The following TMEM212 variants were observed in gnomAD, a reference collection of about 807,000 sequenced individuals.
TMEM212 encodes transmembrane protein 212.
A neutral mutation model predicts 20.5 loss-of-function variants in TMEM212; 23 were observed. That is an observed-to-expected ratio of 1.12 (90% CI 0.81 to 1.59). The LOEUF (loss-of-function observed/expected upper bound fraction) is 1.59. Ranked by LOEUF, TMEM212 falls within the 40% of genes most tolerant of loss-of-function variation. The probability of loss-of-function intolerance (pLI) is 0.00; values close to 1 mark genes in which losing one functional copy is unlikely to be tolerated. For synonymous variants in TMEM212, 76 were observed against 81.6 expected (o/e 0.93, Z 0.37); for missense variants, 211 against 215.0 (o/e 0.98, Z 0.12).
At chr3:171,856,344 C>T (rs116823456) in intron 3 of TMEM212, among the ~76,000 whole-genome samples, 1,941 of 152,250 alleles carry the variant, frequency 0.013, 23 homozygotes, top group Non-Finnish European at 0.019. Flanking sequence ...GGAGGTTATT[C>T]CTAAGAGAAC....
chr3:171,859,008 G>C lies in TMEM212; in HGVS notation c.*951G>C, dbSNP rs1425380696. 1.3e-5 allele frequency: 2 copies of C among 152,218 alleles called. No homozygotes were observed. The allele number at this position is 152,218 out of a possible 1,614,324, so 9.4% of individuals were successfully genotyped here. A position where few individuals can be genotyped will look rare whatever the true frequency, so the allele number is the denominator to read the frequency against. On this transcript the variant is annotated 3_prime_UTR_variant, in exon 5 of 5. Coordinates refer to ENST00000334567, the MANE Select transcript of TMEM212 (RefSeq NM_001164436.2). Reference sequence around the variant, plus strand: ...AGTTCATGTCCTTTGCAGGGACATAGATGAAGCTGGAAACCATCATTCTCC... The same window carrying C: ...AGTTCATGTCCTTTGCAGGGACATACATGAAGCTGGAAACCATCATTCTCC...
In TMEM212 at chr3:171,858,075, AAAG is replaced by A. The variant is rs1354077322; in HGVS notation, c.*19_*21del. 6.6e-6 allele frequency: 1 copy of A among 152,160 alleles called. No individual in the cohort carries two copies. Among genetic ancestry groups the A allele is most frequent in the Non-Finnish European group, 1.5e-5 (1 of 68,054 alleles). The allele number at this position is 152,160 out of a possible 1,614,324, so 9.4% of individuals were successfully genotyped here. A position where few individuals can be genotyped will look rare whatever the true frequency, so the allele number is the denominator to read the frequency against. On this transcript the variant is annotated 3_prime_UTR_variant, in exon 5 of 5. Coordinates refer to ENST00000334567, the MANE Select transcript of TMEM212 (RefSeq NM_001164436.2). ...TTTCTTCACAGAATTGGAAAAAACT[AAAG>A]TTCATATGGGACCAAAAAAGAGCCC...
chr3:171,854,699 G>T (rs947693668), intron 3 of TMEM212, among the ~76,000 whole-genome samples: 1 of 152,242 alleles, frequency 6.6e-6, no homozygotes, highest in South Asian at 2.1e-4. Context: ...GCGAACTTGA[G>T]AAAGAACAAA....
At position 171,856,692 on chromosome 3, in the gene TMEM212, T is replaced by C. The variant is rs1725126121; in HGVS notation, c.573T>C (p.Pro191=). ...AACTCCCTGCTGGGAACCCAAACCC[T>C]TTTTCACCATAAAAGGTAAAATGGT... ...NMQLPAGNPN[P]FSP Residue 191 remains proline (P), a synonymous_variant, in exon 4 of 5, where the codon CCT becomes CCC. Transcript: ENST00000334567. 7 of 678,020 alleles carry C rather than the reference T, an allele frequency of 1.0e-5. No homozygotes were observed. Among genetic ancestry groups the C allele is most frequent in the South Asian group, 1.6e-5 (1 of 62,774 alleles). 42.0% of individuals were successfully genotyped at this position (678,020 alleles called of 1,614,324 possible).
chr3:171,856,915 C>T, intron 4 of TMEM212: 2 of 383,958 alleles, frequency 5.2e-6, no homozygotes, highest in African/African-American at 2.1e-5. Flanking sequence ...TAAATCTGCT[C>T]TTTTAGGAAA....
At chr3:171,856,576 C>A in intron 3 of TMEM212, 87 bp from the exon 4 acceptor site, 1 of 552,138 alleles carries the variant, frequency 1.8e-6, no homozygotes, top group East Asian at 3.1e-5. Flanking sequence ...GCTAAGTGGA[C>A]CCCTTTTACA....
intron 3 of TMEM212, among the ~76,000 whole-genome samples, chr3:171,856,095 G>A (rs1725109372): frequency 6.6e-6 from 1 of 152,094 alleles, no homozygotes; most frequent in Non-Finnish European, 1.5e-5. Flanking sequence ...TATGGGGGAA[G>A]GCTAAAACCA....
rs372970228 is a variant in TMEM212, at chr3:171,858,078, G to C, written c.*21G>C. On this transcript the variant is annotated 3_prime_UTR_variant, in exon 5 of 5. Transcript: ENST00000334567. Reference sequence around the variant, plus strand: ...CTTCACAGAATTGGAAAAAACTAAAGTTCATATGGGACCAAAAAAGAGCCC... The same window carrying C: ...CTTCACAGAATTGGAAAAAACTAAACTTCATATGGGACCAAAAAAGAGCCC... The C allele has an allele frequency of 2.0e-5, 3 of 151,988 alleles. No homozygotes were observed. The highest frequency in any genetic ancestry group is 7.3e-5 in the African/African-American group (3 of 41,336). The allele number at this position is 151,988 out of a possible 1,614,324, so 9.4% of individuals were successfully genotyped here.
At chr3:171,844,039 G>C (rs1724777290) in intron 1 of TMEM212, among the ~76,000 whole-genome samples, 1 of 152,100 alleles carries the variant, frequency 6.6e-6, no homozygotes, top group Admixed American at 6.5e-5. Context: ...TGTTTGAACT[G>C]AAAATAACTC....
At chr3:171,848,480 A>G (rs1370964162) in intron 1 of TMEM212, among the ~76,000 whole-genome samples, 1 of 152,122 alleles carries the variant, frequency 6.6e-6, no homozygotes, top group Non-Finnish European at 1.5e-5. Context: ...GGTAACTTTG[A>G]TAGCCAAACT....
At chr3:171,853,450 T>A (rs1725035224) in intron 2 of TMEM212, 77 bp from the exon 3 acceptor site, 3 of 1,282,384 alleles carry the variant, frequency 2.3e-6, no homozygotes, top group Non-Finnish European at 2.1e-6. Context: ...GCATCTCTTT[T>A]ATTTTCTTCA....
chr3:171,853,896 G>T, intron 3 of TMEM212, 46 bp downstream of exon 3: 1 of 1,413,000 alleles, frequency 7.1e-7, no homozygotes, highest in Non-Finnish European at 9.5e-7. Flanking sequence ...CATCTTGTAT[G>T]CTAAAATGGA....
chr3:171,847,408 C>T (rs538970828), intron 1 of TMEM212, among the ~76,000 whole-genome samples: 1 of 152,350 alleles, frequency 6.6e-6, no homozygotes, highest in East Asian at 1.9e-4. Context: ...GGAAGTTCTG[C>T]CCCTTCCTCG....
chr3:171,853,323 G>GAAA (rs201293595), intron 2 of TMEM212, among the ~76,000 whole-genome samples: 3 of 110,744 alleles, frequency 2.7e-5, no homozygotes, highest in African/African-American at 9.8e-5. Flanking sequence ...CTTAAAAAGT[G>GAAA]AAAAAAAAAA....
intron 1 of TMEM212, among the ~76,000 whole-genome samples, chr3:171,850,097 C>T (rs554242368): frequency 2.2e-4 from 34 of 152,144 alleles, no homozygotes; most frequent in Middle Eastern, 6.8e-3. Context: ...TTTCTCCTCC[C>T]TATCTAAAAA....
At position 171,851,920 on chromosome 3, in the gene TMEM212, T is replaced by C. The variant is rs777672870; in HGVS notation, c.160-62T>C. 5.3e-4 allele frequency: 758 copies of C among 1,419,728 alleles called. 5 individuals carry two copies. Among genetic ancestry groups the C allele is most frequent in the Non-Finnish European group, 1.6e-4 (170 of 1,040,606 alleles). The allele number at this position is 1,419,728 out of a possible 1,614,324, so 87.9% of individuals were successfully genotyped here. On this transcript the variant is annotated intron_variant, in intron 1 of 4. Transcript: ENST00000334567. ...TAAAGTTGTCAAACTGTGAGACAGA[T>C]TGAACTCTTTCCAGAGGTACCTTCT... is the stretch of plus-strand genomic sequence containing the variant.
intron 3 of TMEM212, among the ~76,000 whole-genome samples, chr3:171,854,880 A>G (rs12108093): frequency 0.096 from 14,547 of 152,280 alleles, 1,628 homozygotes; most frequent in East Asian, 0.54. Flanking sequence ...TTGTTGTTCA[A>G]GAAAAAGGGA....
At position 171,852,058 on chromosome 3, in the gene TMEM212, C is replaced by A; in HGVS notation, c.219+17C>A. 6.5e-7 allele frequency: 1 copy of A among 1,531,450 alleles called. No individual in the cohort carries two copies. The highest frequency in any genetic ancestry group is 1.2e-5 in the South Asian group (1 of 83,912). The allele number at this position is 1,531,450 out of a possible 1,614,324, so 94.9% of individuals were successfully genotyped here. The stretch of plus-strand genomic sequence containing the variant: ...AGGTACCTGGTAAATATACCGATGC[C>A]AAGTAGGATGGTAGAGAGGCTTTGA... On this transcript the variant is annotated intron_variant, in intron 2 of 4. Coordinates refer to ENST00000334567, the MANE Select transcript of TMEM212 (RefSeq NM_001164436.2).
At chr3:171,852,946 G>A (rs544659713) in intron 2 of TMEM212, among the ~76,000 whole-genome samples, 2 of 152,326 alleles carry the variant, frequency 1.3e-5, no homozygotes, top group South Asian at 4.1e-4. Flanking sequence ...AAGCTCCCAG[G>A]GGATATCAGT....
Sources: gnomAD v4.1 joint callset for allele counts (sites outside exome capture counted in the v4.1 genomes callset) on GRCh38, gnomAD v4.1.1 for gene constraint, MANE v1.5 for transcripts, NCBI Gene and HGNC (gene_info 2026-07-23, HGNC 2026-07-21) for gene names.